ATXN10: variants seen among roughly 807,000 people sequenced by gnomAD.
ATXN10 encodes the protein ataxin 10.
A neutral mutation model predicts 52.9 loss-of-function variants in ATXN10; 28 were observed. The observed-to-expected ratio is 0.53, with a 90% CI of 0.39 to 0.73. The LOEUF (loss-of-function observed/expected upper bound fraction) is 0.73. Ranked by LOEUF, ATXN10 falls within the 30% of genes least tolerant of loss-of-function variation. The pLI, the probability that ATXN10 is intolerant of heterozygous loss-of-function variation, is 0.00. For missense variants in ATXN10, 565 were observed against 577.0 expected, an observed-to-expected ratio of 0.98 and a Z score of 0.21; for synonymous variants, 226 against 221.5, an observed-to-expected ratio of 1.02 and a Z score of -0.18.
Position 45,781,116 on chromosome 22 carries a change from C to G in ATXN10, c.1174-25843C>G, listed in dbSNP as rs757926391. Among the ~76,000 whole-genome samples, 6 of 152,168 alleles carry G rather than the reference C, an allele frequency of 3.9e-5. No individual in the cohort carries two copies. Among genetic ancestry groups the G allele is most frequent in the Non-Finnish European group, 8.8e-5 (6 of 68,028 alleles). ...AGAAAACTTTTAGACAGTAAGTGCC[C>G]TATTTCAGCCAAACACCACGGAAAA... is the stretch of plus-strand genomic sequence containing the variant. On this transcript the variant is annotated intron_variant, in intron 9 of 11. Transcript: ENST00000252934. The surrounding 1 kb of genome is among the most constrained non-coding windows in gnomAD (Gnocchi z 4.2).
At position 45,795,420 on chromosome 22, in the gene ATXN10, ATTC is replaced by A. The variant is rs1569068147; in HGVS notation, c.1174-11536_1174-11534del. On this transcript the variant is annotated intron_variant, in intron 9 of 11. Transcript: ENST00000252934. This position sits in a 1 kb window ranked among gnomAD's most constrained non-coding sequence, Gnocchi z 4.6. ...ATTCTATTCTATTCTATTCTATTCT[ATTC>A]TTTTTGAGATGAAGTCTCTCTATGT... 8.1e-3 allele frequency among the ~76,000 whole-genome samples: 1,060 copies of A among 130,374 alleles called. 13 individuals carry two copies. The highest frequency in any genetic ancestry group is 0.03 in the African/African-American group (967 of 32,322). The allele number at this position is 130,374 out of a possible 152,430, so 85.5% of individuals were successfully genotyped here.
intron 9 of ATXN10, among the ~76,000 whole-genome samples, chr22:45,800,065 G>C (rs1927880561): frequency 6.6e-6 from 1 of 152,152 alleles, no homozygotes; most frequent in Non-Finnish European, 1.5e-5. Context: ...TGGATATATT[G>C]AAGTAGGCCA....
At chr22:45,711,255 A>G (rs924921993) in intron 5 of ATXN10, among the ~76,000 whole-genome samples, 2 of 152,176 alleles carry the variant, frequency 1.3e-5, no homozygotes, top group Non-Finnish European at 2.9e-5. Context: ...AGAGTGAAAA[A>G]AAAAAGCCAA....
chr22:45,839,132 C>CGGT (rs879648211), intron 10 of ATXN10, among the ~76,000 whole-genome samples: 5 of 152,196 alleles, frequency 3.3e-5, no homozygotes, highest in Non-Finnish European at 5.9e-5. Context: ...TGGAGGTTTA[C>CGGT]TATTATTGGC....
In ATXN10 at chr22:45,826,548, G is replaced by A. The variant is rs1035058799; in HGVS notation, c.1238-16443G>A. Among the ~76,000 whole-genome samples the A allele has an allele frequency of 2.0e-5, 3 of 152,204 alleles. No homozygotes were observed. The highest frequency in any genetic ancestry group is 4.4e-5 in the Non-Finnish European group (3 of 68,036). On this transcript the variant is annotated intron_variant, in intron 10 of 11. Transcript: ENST00000252934. This position sits in a 1 kb window ranked among gnomAD's most constrained non-coding sequence, Gnocchi z 5.0. ...TCTTAAAAGCAGCAAGGAAGAAGCA[G>A]CCCATCACATGCAAGAGATAATCCA...
At position 45,818,846 on chromosome 22, in the gene ATXN10, G is replaced by C. The variant is rs1480109688; in HGVS notation, c.1237+11824G>C. On this transcript the variant is annotated intron_variant, in intron 10 of 11. Transcript: ENST00000252934. The surrounding 1 kb of genome is among the most constrained non-coding windows in gnomAD (Gnocchi z 4.6). ...AACTGTATGTGGACACTGATTGCCT[G>C]TTCCTAAGGACCTGCTCCTTAGAGC... Among the ~76,000 whole-genome samples, 1 of 152,176 alleles carries C rather than the reference G, an allele frequency of 6.6e-6. No homozygotes were observed. The highest frequency in any genetic ancestry group is 2.4e-5 in the African/African-American group (1 of 41,440).
intron 9 of ATXN10, among the ~76,000 whole-genome samples, chr22:45,796,022 T>C (rs1927724949): frequency 1.3e-5 from 2 of 152,252 alleles, no homozygotes; most frequent in Non-Finnish European, 2.9e-5. Flanking sequence ...CCTGACTGCC[T>C]GCAGGGCCGG....
At position 45,808,885 on chromosome 22, in the gene ATXN10, A is replaced by T. The variant is rs540848399; in HGVS notation, c.1237+1863A>T. 9.9e-5 allele frequency among the ~76,000 whole-genome samples: 15 copies of T among 152,240 alleles called. 1 individual carries two copies. The highest frequency in any genetic ancestry group is 2.0e-4 in the Admixed American group (3 of 15,294). On this transcript the variant is annotated intron_variant, in intron 10 of 11. Transcript: ENST00000252934. ...TGGATAACTGGCTTTTAGAATGATA[A>T]TCAGTGAAATATTGCAAGATCACGG...
At chr22:45,679,820 C>CT (rs1922848039) in intron 1 of ATXN10, 1 of 152,204 alleles carries the variant, frequency 6.6e-6, no homozygotes, top group South Asian at 2.1e-4. Flanking sequence ...GGTGTTCTGA[C>CT]TCAGCTTCAA....
At position 45,728,402 on chromosome 22, in the gene ATXN10, G is replaced by A. The variant is rs913006085; in HGVS notation, c.729-1023G>A. 2.0e-5 allele frequency among the ~76,000 whole-genome samples: 3 copies of A among 152,162 alleles called. No homozygotes were observed. The highest frequency in any genetic ancestry group is 7.2e-5 in the African/African-American group (3 of 41,436). ...AAATCTGACGTTTTAGGAGTTTTGA[G>A]AATTGCTAAGGTCTGTAGGTGATTT... On this transcript the variant is annotated intron_variant, in intron 6 of 11. Coordinates refer to ENST00000252934, the MANE Select transcript of ATXN10 (RefSeq NM_013236.4). The surrounding 1 kb of genome is among the most constrained non-coding windows in gnomAD (Gnocchi z 4.3).
At chr22:45,809,058 T>C (rs1928195885) in intron 10 of ATXN10, among the ~76,000 whole-genome samples, 1 of 152,236 alleles carries the variant, frequency 6.6e-6, no homozygotes, top group South Asian at 2.1e-4. Flanking sequence ...CATACTGAAA[T>C]ATCAGTGCAA....
At chr22:45,710,889 C>T (rs1239730663) in intron 5 of ATXN10, among the ~76,000 whole-genome samples, 2 of 152,118 alleles carry the variant, frequency 1.3e-5, no homozygotes, top group Admixed American at 6.5e-5. Context: ...TTGGTGGCAT[C>T]GTTGTCCTTC....
chr22:45,804,834 C>T (rs956923771), intron 9 of ATXN10, among the ~76,000 whole-genome samples: 1 of 152,182 alleles, frequency 6.6e-6, no homozygotes, highest in African/African-American at 2.4e-5. Flanking sequence ...CTTCTTTACC[C>T]TGTGGATAAC....
intron 1 of ATXN10, among the ~76,000 whole-genome samples, chr22:45,685,530 GTGAT>G (rs771915076): frequency 3.3e-5 from 5 of 152,294 alleles, no homozygotes; most frequent in South Asian, 4.1e-4. Context: ...TAATATTGGA[GTGAT>G]TGATCTTTAC....
At chr22:45,723,139 GTTTATATATATATATGTGTGTGTGTGTA>G (rs1246024803) in intron 6 of ATXN10, among the ~76,000 whole-genome samples, 1 of 151,534 alleles carries the variant, frequency 6.6e-6, no homozygotes, top group African/African-American at 2.4e-5. Flanking sequence ...GTGTGTGTGT[GTTTATATATATATATGTGTGTGTGTGTA>G]TATATATATA....
chr22:45,779,650 A>C (rs714022), intron 9 of ATXN10, among the ~76,000 whole-genome samples: 54,988 of 152,024 alleles, frequency 0.36, 10,451 homozygotes, highest in Middle Eastern at 0.48. Flanking sequence ...CCTTTGGTAC[A>C]TAACCTTGTA....
chr22:45,752,103 A>C (rs574256858), intron 9 of ATXN10, among the ~76,000 whole-genome samples: 1 of 152,340 alleles, frequency 6.6e-6, no homozygotes, highest in South Asian at 2.1e-4. Context: ...ATTGCAGTTA[A>C]AGTTGGGAAT....
Position 45,671,852 on chromosome 22 carries a change from C to G in ATXN10, c.-212C>G. 1 of 436,670 alleles carries G rather than the reference C, an allele frequency of 2.3e-6. No homozygotes were observed. Among genetic ancestry groups the G allele is most frequent in the Non-Finnish European group, 4.0e-6 (1 of 252,222 alleles). 27.0% of individuals were successfully genotyped at this position (436,670 alleles called of 1,614,324 possible). A position where few individuals can be genotyped will look rare whatever the true frequency, so the allele number is the denominator to read the frequency against. On this transcript the variant is annotated 5_prime_UTR_variant, in exon 1 of 12. Transcript: ENST00000252934. ...CCGCGGCGCCGTCTCCTCCTCCCGC[C>G]TGAGGCGAGTCTGGGCTCAGCCTAG... is the stretch of plus-strand genomic sequence containing the variant.
intron 10 of ATXN10, among the ~76,000 whole-genome samples, chr22:45,830,849 A>G (rs187662259): frequency 4.6e-5 from 7 of 152,346 alleles, no homozygotes; most frequent in Non-Finnish European, 8.8e-5. Flanking sequence ...TGATTTAGCA[A>G]TTCCACTTCT....
Sources: gnomAD v4.1 joint callset for allele counts (sites outside exome capture counted in the v4.1 genomes callset) on GRCh38, gnomAD v4.1.1 for gene constraint, Gnocchi (gnomAD v3.1) non-coding constraint, MANE v1.5 for transcripts, NCBI Gene and HGNC (gene_info 2026-07-23, HGNC 2026-07-21) for gene names.